Variants in ADARB2 observed in about 807,000 individuals in gnomAD.
ADARB2 encodes the protein inactive double-stranded RNA-specific editase B2.
In ADARB2, 25 loss-of-function variants were observed where a neutral mutation model predicts 62.2. The observed-to-expected ratio is 0.40, with a 90% CI of 0.29 to 0.56. ADARB2 has a LOEUF of 0.56. Ranked by LOEUF, ADARB2 falls within the 20% of genes least tolerant of loss-of-function variation. ADARB2 has a pLI of 0.43. For synonymous variants in ADARB2, 572 were observed against 500.8 expected (o/e 1.14, Z -1.90); for missense variants, 1,071 against 1,077.4 (o/e 0.99, Z 0.08).
chr10:1,576,369 GGTCACAGGAGGGGGCTCAGA>G (rs1008888855), intron 1 of ADARB2, among the ~76,000 whole-genome samples: 7 of 149,922 alleles, frequency 4.7e-5, no homozygotes, highest in Admixed American at 6.6e-5. Context: ...AGTGGCTTAG[GGTCACAGGAGGGGGCTCAGA>G]GTCACAGGAG....
At chr10:1,656,423 T>C (rs145296565) in intron 1 of ADARB2, among the ~76,000 whole-genome samples, 5 of 152,318 alleles carry the variant, frequency 3.3e-5, no homozygotes, top group African/African-American at 9.6e-5. Context: ...CAATCTCATA[T>C]TGTGCTAATT....
chr10:1,468,011 T>C (rs1433678971), intron 1 of ADARB2, among the ~76,000 whole-genome samples: 1 of 152,246 alleles, frequency 6.6e-6, no homozygotes, highest in Non-Finnish European at 1.5e-5. Context: ...AGCCGGCTAA[T>C]GCGTGGAGCT....
intron 1 of ADARB2, among the ~76,000 whole-genome samples, chr10:1,690,087 A>G (rs1049425105): frequency 2.0e-5 from 3 of 152,258 alleles, no homozygotes; most frequent in African/African-American, 4.8e-5. Context: ...AGCATTGCAC[A>G]TTAAGGTGAT....
At chr10:1,548,733 G>A (rs975247960) in intron 1 of ADARB2, among the ~76,000 whole-genome samples, 1 of 152,192 alleles carries the variant, frequency 6.6e-6, no homozygotes, top group Non-Finnish European at 1.5e-5. Context: ...AACAGGAAGA[G>A]AAAAAGCTGA....
chr10:1,440,400 T>C (rs1830891235), intron 1 of ADARB2, among the ~76,000 whole-genome samples: 1 of 150,144 alleles, frequency 6.7e-6, no homozygotes, highest in East Asian at 2.0e-4. Flanking sequence ...TCCTTAATAT[T>C]CCACACCTTT....
intron 1 of ADARB2, among the ~76,000 whole-genome samples, chr10:1,648,909 C>T (rs1034274492): frequency 5.3e-5 from 8 of 152,212 alleles, no homozygotes; most frequent in African/African-American, 1.9e-4. Context: ...TGACATTCAA[C>T]AACTGGTGCA....
intron 3 of ADARB2, among the ~76,000 whole-genome samples, chr10:1,342,253 C>A (rs1037343865): frequency 3.9e-5 from 6 of 152,138 alleles, no homozygotes; most frequent in Non-Finnish European, 8.8e-5. Context: ...CTGTGATAGA[C>A]CCCCTTCCTC....
chr10:1,453,393 G>T (rs1038281306), intron 1 of ADARB2, among the ~76,000 whole-genome samples: 2 of 152,140 alleles, frequency 1.3e-5, no homozygotes, highest in Admixed American at 1.3e-4. Flanking sequence ...GAAGGTTTTA[G>T]CTCTTACATT....
chr10:1,662,244 A>T (rs752257251), intron 1 of ADARB2, among the ~76,000 whole-genome samples: 7 of 152,142 alleles, frequency 4.6e-5, no homozygotes, highest in Admixed American at 2.0e-4. Flanking sequence ...AGGTGAGGGG[A>T]GCCCGGTCCA....
intron 1 of ADARB2, among the ~76,000 whole-genome samples, chr10:1,672,506 C>T (rs991951944): frequency 2.6e-5 from 4 of 152,178 alleles, no homozygotes; most frequent in African/African-American, 9.7e-5. Context: ...GCCTCCAGGC[C>T]GCACTTCTCC....
At chr10:1,584,202 T>C (rs1038989117) in intron 1 of ADARB2, among the ~76,000 whole-genome samples, 13 of 152,092 alleles carry the variant, frequency 8.5e-5, no homozygotes, top group Non-Finnish European at 1.5e-4. Flanking sequence ...ATGCATACCA[T>C]AGATTAGGAG....
intron 3 of ADARB2, among the ~76,000 whole-genome samples, chr10:1,357,999 C>T (rs928428654): frequency 1.6e-5 from 2 of 121,262 alleles, no homozygotes; most frequent in African/African-American, 6.3e-5. Flanking sequence ...GATCTATATA[C>T]ACACATATGT....
intron 1 of ADARB2, among the ~76,000 whole-genome samples, chr10:1,413,751 C>CG (rs1454043594): frequency 2.0e-5 from 3 of 152,162 alleles, no homozygotes; most frequent in African/African-American, 7.2e-5. Context: ...ATGATGCTCC[C>CG]GGGCACAATG....
At chr10:1,331,257 C>A (rs763388126) in intron 3 of ADARB2, among the ~76,000 whole-genome samples, 4 of 152,140 alleles carry the variant, frequency 2.6e-5, no homozygotes, top group Non-Finnish European at 5.9e-5. Flanking sequence ...CAAGTATATA[C>A]CCAAGAGAAA....
chr10:1,733,517 C>A (rs749866891), intron 1 of ADARB2, among the ~76,000 whole-genome samples: 1 of 152,096 alleles, frequency 6.6e-6, no homozygotes, highest in Non-Finnish European at 1.5e-5. Context: ...ATACATACTA[C>A]CCTGAAGTTA....
rs1831073633 is a variant in ADARB2 at position 1,255,690 on chromosome 10, A to C, written c.1193-13391T>G. Among the ~76,000 whole-genome samples the C allele has an allele frequency of 6.6e-6, 1 of 152,264 alleles. No individual in the cohort carries two copies. The highest frequency in any genetic ancestry group is 2.1e-4 in the South Asian group (1 of 4,836). On this transcript the variant is annotated intron_variant, in intron 4 of 9. Coordinates refer to ENST00000381312, the MANE Select transcript of ADARB2 (RefSeq NM_018702.4). The surrounding 1 kb of genome is among the most constrained non-coding windows in gnomAD (Gnocchi z 4.7). Reference sequence around the variant, plus strand: ...AGAGGGAGGAAACTGAGGAGATGCCAGTGACCTTTCTGTGGGCCTTGGGCA... The same window carrying C: ...AGAGGGAGGAAACTGAGGAGATGCCCGTGACCTTTCTGTGGGCCTTGGGCA...
At position 1,440,508 on chromosome 10, in the gene ADARB2, C is replaced by G. The variant is rs561639154; in HGVS notation, c.101-61348G>C. ...TGGAGCCAGAGCCCACGATATACCC[C>G]CACATTGTGACAAAATTTCAATGTC... On this transcript the variant is annotated intron_variant, in intron 1 of 9. Transcript: ENST00000381312. 1.4e-4 allele frequency among the ~76,000 whole-genome samples: 21 copies of G among 152,046 alleles called. 1 individual carries two copies. In the South Asian group the frequency reaches 3.3e-3, roughly 24 times the overall value.
rs111894690 is a variant in ADARB2 at position 1,316,562 on chromosome 10, C to A, written c.1078-45493G>T. Among the ~76,000 whole-genome samples, 6 of 152,120 alleles carry A rather than the reference C, an allele frequency of 3.9e-5. 1 individual carries two copies. Among genetic ancestry groups the A allele is most frequent in the Admixed American group, 3.9e-4 (6 of 15,270 alleles). ...GGGAGTCATTGGTTTTCCTCCTACCCGGAATAGGATTGTTTAAAAAATGGT... is the reference window on the plus strand; with the variant it reads ...GGGAGTCATTGGTTTTCCTCCTACCAGGAATAGGATTGTTTAAAAAATGGT... On this transcript the variant is annotated intron_variant, in intron 3 of 9. Transcript: ENST00000381312.
Position 1,261,684 on chromosome 10 carries a change from A to C in ADARB2, c.1192+9271T>G, listed in dbSNP as rs913750318. On this transcript the variant is annotated intron_variant, in intron 4 of 9. Transcript: ENST00000381312. ...TGTGGAGAAATAGGAACACTTTTAC[A>C]CTGTTGGTGGGACTGTCAACTAGTT... 6.0e-5 allele frequency among the ~76,000 whole-genome samples: 9 copies of C among 149,686 alleles called. 1 individual carries two copies. Among genetic ancestry groups the C allele is most frequent in the South Asian group, 2.1e-4 (1 of 4,814 alleles).
Sources: allele counts gnomAD v4.1 joint callset (sites outside exome capture counted in the v4.1 genomes callset), GRCh38; gene constraint gnomAD v4.1.1; non-coding constraint Gnocchi (gnomAD v3.1); transcripts MANE v1.5; gene names NCBI Gene and HGNC (gene_info 2026-07-23, HGNC 2026-07-21).